Variants in PACRG observed in about 807,000 individuals in gnomAD.
PACRG encodes the protein parkin coregulated gene protein.
In PACRG, 29 loss-of-function variants were observed where a neutral mutation model predicts 29.7. The observed-to-expected ratio is 0.98, with a 90% confidence interval of 0.73 to 1.33. The LOEUF is 1.33. PACRG is among the 40% of genes most tolerant of loss of function. The pLI is 0.00. For synonymous variants in PACRG, 116 were observed against 118.7 expected (o/e 0.98, Z 0.15); for missense variants, 279 against 316.2 (o/e 0.88, Z 0.89).
At chr6:163,017,958 G>A (rs780404733) in intron 2 of PACRG, among the ~76,000 whole-genome samples, 60 of 152,098 alleles carry the variant, frequency 3.9e-4, no homozygotes, top group Non-Finnish European at 4.1e-4. Flanking sequence ...CCCATGATTT[G>A]CTATACATGG....
intron 2 of PACRG, among the ~76,000 whole-genome samples, chr6:162,876,323 C>A (rs1443007337): frequency 6.6e-6 from 1 of 152,216 alleles, no homozygotes; most frequent in East Asian, 1.9e-4. Context: ...TCTCTTCCTG[C>A]TGTCCTCTAA....
intron 1 of PACRG, among the ~76,000 whole-genome samples, chr6:162,765,589 A>T (rs1782722153): frequency 1.3e-5 from 2 of 152,162 alleles, no homozygotes; most frequent in East Asian, 1.9e-4. Context: ...ATCGTAAGTG[A>T]TGGTAACATA....
intron 4 of PACRG, among the ~76,000 whole-genome samples, chr6:163,099,996 C>T (rs1317909552): frequency 1.3e-5 from 2 of 152,116 alleles, no homozygotes; most frequent in Non-Finnish European, 2.9e-5. Flanking sequence ...CGCAGAGGGA[C>T]GGGCTGTGTC....
intron 2 of PACRG, among the ~76,000 whole-genome samples, chr6:162,943,174 C>G (rs1324158917): frequency 6.6e-6 from 1 of 152,228 alleles, no homozygotes; most frequent in Non-Finnish European, 1.5e-5. Context: ...GGCTCCCACA[C>G]ACACCCTTAT....
rs2128301079 is a variant in PACRG at position 163,089,300 on chromosome 6, C to T, written c.505C>T (p.Leu169Phe). 1 of 1,614,142 alleles carries T rather than the reference C, an allele frequency of 6.2e-7. No homozygotes were observed. Among genetic ancestry groups the T allele is most frequent in the Middle Eastern group, 1.7e-4 (1 of 6,060 alleles). The change falls in exon 4 of 5, where the codon CTC (leucine) becomes TTC (phenylalanine). Residue 169 changes from leucine to phenylalanine, a missense_variant. Transcript: ENST00000366888. ...LRNRQVICVT[L>F]KVLQHLVVSA... The stretch of plus-strand genomic sequence containing the variant: ...AAACCGACAGGTCATCTGTGTCACT[C>T]TCAAGGTCCTCCAGCATCTGGTTGT...
At chr6:162,915,600 G>A (rs1796644175) in intron 2 of PACRG, among the ~76,000 whole-genome samples, 1 of 151,858 alleles carries the variant, frequency 6.6e-6, no homozygotes, top group South Asian at 2.1e-4. Context: ...TTGTTGCTCT[G>A]TTCCTCTCTC....
intron 4 of PACRG, among the ~76,000 whole-genome samples, chr6:163,172,536 T>C (rs913037135): frequency 3.3e-5 from 5 of 151,788 alleles, no homozygotes; most frequent in African/African-American, 1.2e-4. Context: ...TGAGGAGGAG[T>C]AAACACTTTT....
In PACRG at chr6:163,153,948, G is replaced by A. The variant is rs76284729; in HGVS notation, c.613+64540G>A. The stretch of plus-strand genomic sequence containing the variant: ...GAAGAAAGCAGTGATTCCCAGCAAT[G>A]GTCAGAATCCAAAAGCTGAGAGGCC... On this transcript the variant is annotated intron_variant, in intron 4 of 4. Transcript: ENST00000366888. 1.2e-4 allele frequency among the ~76,000 whole-genome samples: 19 copies of A among 152,292 alleles called. No homozygotes were observed. In the East Asian group the frequency reaches 3.5e-3, roughly 28 times the overall value.
At chr6:163,039,023 A>C (rs370001917) in intron 2 of PACRG, among the ~76,000 whole-genome samples, 1 of 152,050 alleles carries the variant, frequency 6.6e-6, no homozygotes, top group Non-Finnish European at 1.5e-5. Flanking sequence ...TCAAATCTCA[A>C]CTCAAACTGT....
chr6:163,234,664 C>A (rs9458762), intron 4 of PACRG, among the ~76,000 whole-genome samples: 62,904 of 151,766 alleles, frequency 0.41, 14,005 homozygotes, highest in African/African-American at 0.58. Flanking sequence ...AGATGCAGGT[C>A]AAAAACCACA....
chr6:162,821,356 C>A (rs561577181), intron 2 of PACRG, among the ~76,000 whole-genome samples: 1 of 152,062 alleles, frequency 6.6e-6, no homozygotes, highest in Admixed American at 6.5e-5. Context: ...AAAGAAAGGT[C>A]GACTGCTGCT....
chr6:163,289,340 T>C (rs1240097774), intron 4 of PACRG, among the ~76,000 whole-genome samples: 7 of 152,194 alleles, frequency 4.6e-5, no homozygotes, highest in Non-Finnish European at 1.0e-4. Flanking sequence ...ATGCGGTTCC[T>C]TTTCCTAACT....
At chr6:163,245,005 C>T (rs1378577877) in intron 4 of PACRG, 3 of 455,298 alleles carry the variant, frequency 6.6e-6, no homozygotes, top group Non-Finnish European at 1.3e-5. Context: ...AGACTTGCTC[C>T]TTGTCTTTCT....
intron 1 of PACRG, among the ~76,000 whole-genome samples, chr6:162,740,791 G>C (rs1009010684): frequency 3.4e-5 from 5 of 147,840 alleles, no homozygotes; most frequent in African/African-American, 1.3e-4. Context: ...GTAGAAACGG[G>C]GGTTTCACCA....
chr6:162,935,214 A>G (rs114514331), intron 2 of PACRG, among the ~76,000 whole-genome samples: 16 of 152,206 alleles, frequency 1.1e-4, no homozygotes, highest in African/African-American at 3.6e-4. Flanking sequence ...TCCTGTATCT[A>G]TATGTCTAAA....
chr6:163,062,031 G>A, intron 2 of PACRG, 119 bp from the exon 3 acceptor site: 2 of 968,148 alleles, frequency 2.1e-6, no homozygotes, highest in Non-Finnish European at 3.1e-6. Flanking sequence ...GGTTAAGGAA[G>A]TCTTCCTGAA....
chr6:162,852,860 C>T (rs1791042535), intron 2 of PACRG, among the ~76,000 whole-genome samples: 3 of 152,218 alleles, frequency 2.0e-5, no homozygotes, highest in Admixed American at 2.0e-4. Context: ...TTTTAGTGAT[C>T]TCATCACTGA....
chr6:162,957,433 G>T, intron 2 of PACRG: 1 of 526,050 alleles, frequency 1.9e-6, no homozygotes, highest in Non-Finnish European at 3.6e-6. Context: ...AAGTCTGCCT[G>T]GGCACACACC....
At chr6:163,069,927 A>G (rs1811890341) in intron 3 of PACRG, among the ~76,000 whole-genome samples, 1 of 152,200 alleles carries the variant, frequency 6.6e-6, no homozygotes, top group African/African-American at 2.4e-5. Context: ...GAGAAAATAA[A>G]CAAATAACAT....
Sources: gnomAD v4.1 joint callset for allele counts (sites outside exome capture counted in the v4.1 genomes callset) on GRCh38, gnomAD v4.1.1 for gene constraint, MANE v1.5 for transcripts, NCBI Gene and HGNC (gene_info 2026-07-23, HGNC 2026-07-21) for gene names.